The following SEC24D variants were observed in gnomAD, a reference collection of about 807,000 sequenced individuals.
SEC24D encodes the protein protein transport protein Sec24D.
Under a neutral mutation model 116.9 loss-of-function variants are expected in SEC24D, and 69 were observed. That is an observed-to-expected ratio of 0.59 (90% CI 0.49 to 0.72). SEC24D has a LOEUF of 0.72. Among genes scored for constraint, SEC24D ranks in the 30% least tolerant of loss-of-function variants. The pLI is 0.00. For missense variants in SEC24D, 1,131 were observed against 1,264.1 expected (o/e 0.89, Z 1.60); for synonymous variants, 405 against 442.8 (o/e 0.91, Z 1.07).
chr4:118,788,208 A>C (rs1728738939), intron 8 of SEC24D, among the ~76,000 whole-genome samples: 2 of 152,244 alleles, frequency 1.3e-5, no homozygotes, highest in Admixed American at 1.3e-4. Flanking sequence ...TTGGGTTGCG[A>C]AATTTGTTCA....
intron 6 of SEC24D, among the ~76,000 whole-genome samples, chr4:118,810,474 T>C (rs1353635256): frequency 6.6e-6 from 1 of 152,152 alleles, no homozygotes; most frequent in Non-Finnish European, 1.5e-5. Flanking sequence ...GCCAGAAGAA[T>C]GGAATTGGAT....
At chr4:118,776,026 T>C (rs563105917) in intron 8 of SEC24D, among the ~76,000 whole-genome samples, 1 of 150,918 alleles carries the variant, frequency 6.6e-6, no homozygotes, top group South Asian at 2.1e-4. Flanking sequence ...GGGCCTACAT[T>C]ACAGAGTAAA....
chr4:118,751,198 G>A (rs1485631468), intron 13 of SEC24D, among the ~76,000 whole-genome samples: 3 of 62,458 alleles, frequency 4.8e-5, no homozygotes, highest in Non-Finnish European at 6.8e-5. Flanking sequence ...TTTTTTTTGA[G>A]ATGTAGTTTC....
intron 10 of SEC24D, among the ~76,000 whole-genome samples, chr4:118,760,238 A>G (rs941347742): frequency 3.9e-5 from 6 of 152,196 alleles, no homozygotes; most frequent in African/African-American, 1.4e-4. Flanking sequence ...TGCACTCACA[A>G]TGCTGTGCAA....
rs781445123 is a variant in SEC24D, at chr4:118,744,931, A to G, written c.1824+13T>C. ...ATAATTGACATATGGATACTCAAAGAGTTACAAAGTACCTTCTCTTTGTCT... is the reference window on the plus strand; with the variant it reads ...ATAATTGACATATGGATACTCAAAGGGTTACAAAGTACCTTCTCTTTGTCT... On this transcript the variant is annotated intron_variant, in intron 14 of 22. Coordinates refer to ENST00000280551, the MANE Select transcript of SEC24D (RefSeq NM_014822.4). The G allele has an allele frequency of 2.9e-6, 4 of 1,393,064 alleles. No homozygotes were observed. Among genetic ancestry groups the G allele is most frequent in the Non-Finnish European group, 4.1e-6 (4 of 981,620 alleles). The allele number at this position is 1,393,064 out of a possible 1,614,324, so 86.3% of individuals were successfully genotyped here.
chr4:118,797,594 T>C lies in SEC24D; in HGVS notation c.1041+89A>G, dbSNP rs189569320. On this transcript the variant is annotated intron_variant, in intron 8 of 22. Transcript: ENST00000280551. Reference sequence around the variant, plus strand: ...AAAATATATTCCAGTTTCCTGTTTATATTATAGAATAATGTATAAGAAAAT... The same window carrying C: ...AAAATATATTCCAGTTTCCTGTTTACATTATAGAATAATGTATAAGAAAAT... 7.5e-4 allele frequency: 734 copies of C among 972,698 alleles called. No homozygotes were observed. The highest frequency in any genetic ancestry group is 9.7e-4 in the Non-Finnish European group (673 of 692,674). The allele number at this position is 972,698 out of a possible 1,614,324, so 60.3% of individuals were successfully genotyped here. A position where few individuals can be genotyped will look rare whatever the true frequency, so the allele number is the denominator to read the frequency against.
intron 8 of SEC24D, among the ~76,000 whole-genome samples, chr4:118,772,220 A>C (rs1440804768): frequency 6.6e-6 from 1 of 152,214 alleles, no homozygotes; most frequent in African/African-American, 2.4e-5. Flanking sequence ...GGAATTAAAG[A>C]AAGCAGCTAA....
intron 19 of SEC24D, 173 bp from the exon 20 acceptor site, chr4:118,733,085 T>A: frequency 1.7e-6 from 1 of 573,744 alleles, no homozygotes; most frequent in Non-Finnish European, 3.1e-6. Flanking sequence ...AGAGTAGGCA[T>A]TCAAAGAGCA....
At chr4:118,796,368 C>T (rs150544565) in intron 8 of SEC24D, among the ~76,000 whole-genome samples, 3 of 152,162 alleles carry the variant, frequency 2.0e-5, no homozygotes, top group African/African-American at 7.2e-5. Context: ...ATTTCTAGAA[C>T]CATCATGGAA....
chr4:118,783,785 T>C (rs1053486006), intron 8 of SEC24D, among the ~76,000 whole-genome samples: 2 of 152,096 alleles, frequency 1.3e-5, no homozygotes, highest in Admixed American at 6.5e-5. Flanking sequence ...CCCTTTAGAG[T>C]AGACACCTAT....
intron 13 of SEC24D, among the ~76,000 whole-genome samples, chr4:118,745,869 G>C (rs1218690402): frequency 1.3e-5 from 2 of 152,106 alleles, no homozygotes; most frequent in Non-Finnish European, 2.9e-5. Flanking sequence ...CAGGTATGTG[G>C]CTTTTATCCT....
intron 7 of SEC24D, among the ~76,000 whole-genome samples, chr4:118,805,069 T>A (rs1729618892): frequency 6.6e-6 from 1 of 151,800 alleles, no homozygotes; most frequent in African/African-American, 2.4e-5. Flanking sequence ...CAGTAAGGAG[T>A]GGAGTCTGAA....
chr4:118,819,696 G>GA (rs1380593806), intron 3 of SEC24D, among the ~76,000 whole-genome samples: 1 of 152,058 alleles, frequency 6.6e-6, no homozygotes, highest in African/African-American at 2.4e-5. Context: ...TTTATATGGA[G>GA]AAAAAACCTC....
intron 10 of SEC24D, 117 bp from the exon 11 acceptor site, chr4:118,757,962 C>A (rs1255292796): frequency 5.2e-6 from 4 of 768,842 alleles, no homozygotes; most frequent in Non-Finnish European, 8.0e-6. Context: ...TTAGGATATA[C>A]CATCTGTGGA....
At position 118,745,015 on chromosome 4, in the gene SEC24D, G is replaced by T. The variant is rs750011350; in HGVS notation, c.1753C>A (p.Pro585Thr). 2.5e-6 allele frequency: 4 copies of T among 1,611,312 alleles called. No homozygotes were observed. In the East Asian group the frequency reaches 8.9e-5, roughly 36 times the overall value. ...AGCTTCCCTGGTGCTTCAGCAGTTG[G>T]CAAGGAAGAATGGAAGATGAACAGC... Reference protein sequence around the residue: ...GKLFIFHSSLPTAEAPGKLKN... With the variant: ...GKLFIFHSSLTTAEAPGKLKN... The change falls in exon 14 of 23, where the codon CCA becomes ACA. Residue 585 changes from proline to threonine, a missense_variant. By Grantham distance (38) the Pro-to-Thr change is conservative. Coordinates refer to ENST00000280551, the MANE Select transcript of SEC24D (RefSeq NM_014822.4).
At chr4:118,745,128 GAAAAT>G in intron 13 of SEC24D, 68 bp from the exon 14 acceptor site, 1 of 860,256 alleles carries the variant, frequency 1.2e-6, no homozygotes. Flanking sequence ...AAGAGAATCA[GAAAAT>G]AAAATATAAG....
chr4:118,791,462 G>A (rs1270756877), intron 8 of SEC24D, among the ~76,000 whole-genome samples: 7 of 152,180 alleles, frequency 4.6e-5, no homozygotes, highest in African/African-American at 1.7e-4. Context: ...ATGGGGATAA[G>A]TAGGTTAATG....
chr4:118,776,718 A>C (rs1224665467), intron 8 of SEC24D, among the ~76,000 whole-genome samples: 3 of 152,144 alleles, frequency 2.0e-5, no homozygotes, highest in African/African-American at 7.2e-5. Context: ...ATTTCTTACA[A>C]TCTTTGACCT....
At chr4:118,737,153 G>A (rs1726002099) in intron 19 of SEC24D, among the ~76,000 whole-genome samples, 1 of 152,228 alleles carries the variant, frequency 6.6e-6, no homozygotes, top group Non-Finnish European at 1.5e-5. Flanking sequence ...TGATTGGACT[G>A]CATTCTGGCT....
Sources: allele counts gnomAD v4.1 joint callset (sites outside exome capture counted in the v4.1 genomes callset), GRCh38; gene constraint gnomAD v4.1.1; transcripts MANE v1.5; gene names NCBI Gene and HGNC (gene_info 2026-07-23, HGNC 2026-07-21).